The following PSMC6 variants were observed in gnomAD, a reference collection of about 807,000 sequenced individuals.
PSMC6 encodes 26S proteasome regulatory subunit 10B.
PSMC6 carries 3 observed loss-of-function variants against 55.9 expected under a neutral mutation model. The ratio of observed to expected loss-of-function variants is 0.05; its 90% confidence interval spans 0.02 to 0.14. The LOEUF (loss-of-function observed/expected upper bound fraction) is 0.14, where lower values mean the gene tolerates loss of function less well. Among genes scored for constraint, PSMC6 ranks in the 10% least tolerant of loss-of-function variants. The pLI, the probability that PSMC6 is intolerant of heterozygous loss-of-function variation, is 1.00. For synonymous variants in PSMC6, 137 were observed against 155.9 expected (o/e 0.88, Z 0.90); for missense variants, 210 against 478.7 (o/e 0.44, Z 5.24).
intron 4 of PSMC6, chr14:52,710,553 T>G (rs963729933): frequency 6.4e-6 from 1 of 155,170 alleles, no homozygotes; most frequent in African/African-American, 2.4e-5. Flanking sequence ...TTCAACCTAA[T>G]GTGTAATGTG....
chr14:52,726,301 T>A (rs1880407872), intron 13 of PSMC6, among the ~76,000 whole-genome samples: 1 of 152,304 alleles, frequency 6.6e-6, no homozygotes, highest in Admixed American at 6.5e-5. Context: ...AAAAATTGAG[T>A]TGTGATACTC....
chr14:52,721,507 C>G (rs1356606385), intron 12 of PSMC6: 1 of 188,318 alleles, frequency 5.3e-6, no homozygotes, highest in Admixed American at 5.8e-5. Context: ...AAAAATAAAG[C>G]AAGAAAGTGG....
At chr14:52,726,735 G>A (rs1192094819) in intron 13 of PSMC6, among the ~76,000 whole-genome samples, 2 of 152,046 alleles carry the variant, frequency 1.3e-5, no homozygotes, top group Non-Finnish European at 2.9e-5. Context: ...TCTGCCTCCC[G>A]GGTTCAAGCG....
At position 52,707,344 on chromosome 14, in the gene PSMC6, C is replaced by T. The variant is rs187316944; in HGVS notation, c.85+40C>T. ...CTTTCCATTTAATCAAGTGCCTCGA[C>T]TCGCTTCTGCCTCTGACAAAGCAGA... On this transcript the variant is annotated intron_variant, in intron 1 of 13. Transcript: ENST00000445930. 709 of 1,610,798 alleles carry T rather than the reference C, an allele frequency of 4.4e-4. 6 individuals carry two copies. In the Middle Eastern group the frequency reaches 5.2e-3, roughly 12 times the overall value.
At chr14:52,708,271 A>G in intron 1 of PSMC6, 38 bp from the exon 2 acceptor site, 1 of 1,535,046 alleles carries the variant, frequency 6.5e-7, no homozygotes, top group Non-Finnish European at 9.0e-7. Context: ...CACTAAGATT[A>G]CTGTTCAATT....
chr14:52,715,021 C>G (rs1474651439), intron 7 of PSMC6, among the ~76,000 whole-genome samples: 1 of 151,810 alleles, frequency 6.6e-6, no homozygotes, highest in Non-Finnish European at 1.5e-5. Context: ...GGTGCAAGAG[C>G]ACCATGGGTA....
chr14:52,724,040 AG>A lies in PSMC6; in HGVS notation c.1051+7del. 1 of 1,610,722 alleles carries A rather than the reference AG, an allele frequency of 6.2e-7. No homozygotes were observed. The highest frequency in any genetic ancestry group is 8.5e-7 in the Non-Finnish European group (1 of 1,177,488). On this transcript the variant is annotated splice_donor_5th_base_variant and intron_variant, in intron 13 of 13. Coordinates refer to ENST00000445930, the MANE Select transcript of PSMC6 (RefSeq NM_002806.5). ...AGAAATGTTTGTACTGAAGCAGGTA[AG>A]GGTTTAAAGTACAGTTTTACTATTG...
At chr14:52,712,306 G>T (rs1451230351) in intron 6 of PSMC6, among the ~76,000 whole-genome samples, 1 of 149,048 alleles carries the variant, frequency 6.7e-6, no homozygotes. Flanking sequence ...ACAGGAATTA[G>T]CATTTAAACA....
In PSMC6 at chr14:52,712,384, T is replaced by TAAAAAAAAAAAAA. The variant is rs35697515; in HGVS notation, c.441+870_441+871insAAAAAAAAAAAAA. Among the ~76,000 whole-genome samples, 752 of 139,316 alleles carry TAAAAAAAAAAAAA rather than the reference T, an allele frequency of 5.4e-3. 10 individuals carry two copies. Among genetic ancestry groups the TAAAAAAAAAAAAA allele is most frequent in the African/African-American group, 0.017 (644 of 36,914 alleles). The allele number at this position is 139,316 out of a possible 152,430, so 91.4% of individuals were successfully genotyped here. A position where few individuals can be genotyped will look rare whatever the true frequency, so the allele number is the denominator to read the frequency against. The stretch of plus-strand genomic sequence containing the variant: ...ACTTGAGGAAGCACTGGTCTAAGTG[T>TAAAAAAAAAAAAA]AAAAAAAAAAGGCAGTTCTCACCTG... On this transcript the variant is annotated intron_variant, in intron 6 of 13. Coordinates refer to ENST00000445930, the MANE Select transcript of PSMC6 (RefSeq NM_002806.5).
chr14:52,718,016 G>A, intron 7 of PSMC6, 65 bp from the exon 8 acceptor site: 1 of 1,443,410 alleles, frequency 6.9e-7, no homozygotes, highest in South Asian at 1.2e-5. Flanking sequence ...CAGAGTGATT[G>A]CCTGTCTCAA....
intron 12 of PSMC6, chr14:52,722,517 T>A (rs1400897199): frequency 6.6e-6 from 1 of 152,164 alleles, no homozygotes; most frequent in African/African-American, 2.4e-5. Context: ...CATAGATGCT[T>A]ATGATGACAG....
At chr14:52,713,617 A>C (rs570083840) in intron 6 of PSMC6, among the ~76,000 whole-genome samples, 1 of 152,306 alleles carries the variant, frequency 6.6e-6, no homozygotes, top group East Asian at 1.9e-4. Context: ...TGTTTGGACA[A>C]GTTATATATC....
At chr14:52,715,539 T>A (rs2041821192) in intron 7 of PSMC6, among the ~76,000 whole-genome samples, 1 of 152,178 alleles carries the variant, frequency 6.6e-6, no homozygotes. Flanking sequence ...AAATATGAAA[T>A]GTCAAGTGAA....
intron 10 of PSMC6, among the ~76,000 whole-genome samples, chr14:52,719,640 G>T (rs1397807339): frequency 6.6e-6 from 1 of 152,114 alleles, no homozygotes; most frequent in Non-Finnish European, 1.5e-5. Flanking sequence ...TTTCTCCTTA[G>T]AAGTATTTGA....
chr14:52,724,280 A>G (rs1295675872), intron 13 of PSMC6, among the ~76,000 whole-genome samples: 1 of 152,220 alleles, frequency 6.6e-6, no homozygotes, highest in Non-Finnish European at 1.5e-5. Flanking sequence ...TCAGAGAAGC[A>G]TACAGAATGC....
chr14:52,724,120 C>A, intron 13 of PSMC6, 84 bp downstream of exon 13: 1 of 1,294,280 alleles, frequency 7.7e-7, no homozygotes, highest in Non-Finnish European at 1.1e-6. Flanking sequence ...GAAAGCGGAG[C>A]ATAGACTTTG....
At chr14:52,725,083 G>A (rs113048037) in intron 13 of PSMC6, among the ~76,000 whole-genome samples, 13 of 152,270 alleles carry the variant, frequency 8.5e-5, no homozygotes, top group African/African-American at 2.4e-4. Context: ...CTCACAGAGC[G>A]TTATCAATAA....
In PSMC6 at chr14:52,713,988, T is replaced by A; in HGVS notation, c.529+20T>A. 7.5e-7 allele frequency: 1 copy of A among 1,334,970 alleles called. No homozygotes were observed. The highest frequency in any genetic ancestry group is 1.1e-6 in the Non-Finnish European group (1 of 952,130). The allele number at this position is 1,334,970 out of a possible 1,614,324, so 82.7% of individuals were successfully genotyped here. On this transcript the variant is annotated intron_variant, in intron 7 of 13. Coordinates refer to ENST00000445930, the MANE Select transcript of PSMC6 (RefSeq NM_002806.5). Reference sequence around the variant, plus strand: ...CACCAGGTTGGTATTGAATTATTTCTACTCCACCAATAAGATAAATGAATT... The same window carrying A: ...CACCAGGTTGGTATTGAATTATTTCAACTCCACCAATAAGATAAATGAATT...
intron 11 of PSMC6, 64 bp downstream of exon 11, chr14:52,721,045 A>G: frequency 6.3e-7 from 1 of 1,589,710 alleles, no homozygotes; most frequent in Non-Finnish European, 8.6e-7. Context: ...TCCATACTTC[A>G]CTTCACCTTC....
Sources: gnomAD v4.1 joint callset for allele counts (sites outside exome capture counted in the v4.1 genomes callset) on GRCh38, gnomAD v4.1.1 for gene constraint, MANE v1.5 for transcripts, NCBI Gene and HGNC (gene_info 2026-07-23, HGNC 2026-07-21) for gene names.